The following KSR1 variants were observed in gnomAD, a reference collection of about 807,000 sequenced individuals.
KSR1 encodes the protein kinase suppressor of ras 1.
In KSR1, 35 loss-of-function variants were observed where a neutral mutation model predicts 92.9. That is an observed-to-expected ratio of 0.38 (90% CI 0.29 to 0.50). KSR1 has a LOEUF of 0.50. KSR1 is among the 20% of genes least tolerant of loss of function. The pLI is 0.94. For synonymous variants in KSR1, 467 were observed against 472.6 expected (o/e 0.99, Z 0.15); for missense variants, 972 against 1,158.5 (o/e 0.84, Z 2.34).
intron 2 of KSR1, among the ~76,000 whole-genome samples, chr17:27,575,090 G>A (rs1466994448): frequency 6.6e-6 from 1 of 152,170 alleles, no homozygotes. Flanking sequence ...CCCAAAAGAG[G>A]GTTCTTGAGT....
rs756002518 is a variant in KSR1, at chr17:27,590,932, CTT to C, written c.1130+41_1130+42del. The stretch of plus-strand genomic sequence containing the variant: ...GGAGTGGGGGTGGGGGGAGCAGACA[CTT>C]TTAGTTCAGTAAATCAAATGCGCTT... On this transcript the variant is annotated intron_variant, in intron 7 of 20. Coordinates refer to ENST00000644974, the MANE Select transcript of KSR1 (RefSeq NM_001394583.1). 3 of 1,546,584 alleles carry C rather than the reference CTT, an allele frequency of 1.9e-6. No homozygotes were observed. In the African/African-American group the frequency reaches 4.1e-5, roughly 21 times the overall value.
intron 6 of KSR1, 62 bp downstream of exon 6, chr17:27,588,597 AG>A: frequency 7.0e-7 from 1 of 1,433,304 alleles, no homozygotes. Context: ...AGATGGGGCC[AG>A]GAGTTCTGGT....
chr17:27,621,056 G>A (rs528088491), intron 19 of KSR1, 137 bp from the exon 20 acceptor site: 5 of 396,894 alleles, frequency 1.3e-5, no homozygotes, highest in East Asian at 3.6e-5. Context: ...GGGGGGTGGC[G>A]GATGTGCTGT....
At chr17:27,584,053 CT>C in intron 4 of KSR1, 1 of 866,240 alleles carries the variant, frequency 1.2e-6, no homozygotes, top group Non-Finnish European at 1.4e-6. Context: ...AGATCATTGT[CT>C]TTTTTGTTAC....
chr17:27,605,262 A>C (rs1172734397), intron 13 of KSR1, among the ~76,000 whole-genome samples, 172 bp from the exon 14 acceptor site: 2 of 152,254 alleles, frequency 1.3e-5, no homozygotes, highest in Non-Finnish European at 2.9e-5. Flanking sequence ...ATTGAGGTCC[A>C]CTGATGCTAA....
At chr17:27,505,367 C>G (rs747804607) in intron 1 of KSR1, among the ~76,000 whole-genome samples, 10 of 152,242 alleles carry the variant, frequency 6.6e-5, no homozygotes, top group Non-Finnish European at 1.5e-4. Context: ...GACTCTGCCC[C>G]TTCTCTGTCC....
chr17:27,493,084 G>A (rs928802484), intron 1 of KSR1, among the ~76,000 whole-genome samples: 16 of 152,196 alleles, frequency 1.1e-4, no homozygotes, highest in Non-Finnish European at 2.1e-4. Context: ...TCATCATTCT[G>A]CTGATGATGA....
At chr17:27,529,110 A>G (rs1365267194) in intron 1 of KSR1, among the ~76,000 whole-genome samples, 1 of 152,234 alleles carries the variant, frequency 6.6e-6, no homozygotes. Flanking sequence ...TAATTTTGCT[A>G]TAAAAATAGA....
intron 1 of KSR1, among the ~76,000 whole-genome samples, chr17:27,506,393 C>T (rs149405672): frequency 4.6e-5 from 7 of 152,308 alleles, no homozygotes; most frequent in African/African-American, 7.2e-5. Flanking sequence ...CATTCTAGCT[C>T]GATGTGGTTG....
intron 13 of KSR1, 33 bp downstream of exon 13, chr17:27,604,761 C>T: frequency 2.5e-6 from 4 of 1,610,310 alleles, no homozygotes; most frequent in Non-Finnish European, 2.5e-6. Context: ...CACAGATGGC[C>T]CCCCCTCTTT....
intron 14 of KSR1, among the ~76,000 whole-genome samples, chr17:27,606,502 G>A (rs2073757744): frequency 1.3e-5 from 2 of 152,188 alleles, no homozygotes; most frequent in South Asian, 2.1e-4. Context: ...TCCTGCACCC[G>A]ATTGTGGGTC....
chr17:27,491,340 T>C (rs1331285798), intron 1 of KSR1, among the ~76,000 whole-genome samples: 1,570 of 87,048 alleles, frequency 0.018, 42 homozygotes, highest in African/African-American at 0.057. Context: ...TGTGTGTGTG[T>C]GTGTGTGTGT....
At chr17:27,511,410 G>A (rs1051255085) in intron 1 of KSR1, among the ~76,000 whole-genome samples, 1 of 152,218 alleles carries the variant, frequency 6.6e-6, no homozygotes, top group African/African-American at 2.4e-5. Flanking sequence ...AGGGCTGTCT[G>A]TACTTGGCTG....
In KSR1 at chr17:27,495,193, C is replaced by T. The variant is rs371472687; in HGVS notation, c.231+38319C>T. 5.9e-5 allele frequency among the ~76,000 whole-genome samples: 9 copies of T among 152,192 alleles called. 1 individual carries two copies. Among genetic ancestry groups the T allele is most frequent in the East Asian group, 1.9e-4 (1 of 5,200 alleles). On this transcript the variant is annotated intron_variant, in intron 1 of 20. Transcript: ENST00000644974. ...GCTTGTGGGCTTCTGAAAGAATGCA[C>T]GCCTCAGTGGTACAGGGTTCTGGGG...
intron 1 of KSR1, among the ~76,000 whole-genome samples, chr17:27,458,996 A>G (rs1029683485): frequency 3.3e-5 from 5 of 152,344 alleles, no homozygotes; most frequent in Admixed American, 6.5e-5. Context: ...ACCCTGGTTT[A>G]AGAATAACCC....
chr17:27,479,680 G>A lies in KSR1; in HGVS notation c.231+22806G>A, dbSNP rs141422718. ...GCTGGGCATCCCAGACCTCTGTTGC[G>A]GCCTCCAGGGAGTGGGTAGGTTCTG... On this transcript the variant is annotated intron_variant, in intron 1 of 20. Coordinates refer to ENST00000644974, the MANE Select transcript of KSR1 (RefSeq NM_001394583.1). Among the ~76,000 whole-genome samples the A allele has an allele frequency of 4.8e-3, 733 of 152,264 alleles. 5 individuals carry two copies. The highest frequency in any genetic ancestry group is 0.017 in the African/African-American group (711 of 41,562).
chr17:27,588,863 T>G (rs752103183), intron 6 of KSR1, among the ~76,000 whole-genome samples: 2 of 152,192 alleles, frequency 1.3e-5, no homozygotes, highest in Non-Finnish European at 2.9e-5. Context: ...CTACATCCAG[T>G]GCGATGTCAC....
At chr17:27,470,882 T>A (rs1047168481) in intron 1 of KSR1, among the ~76,000 whole-genome samples, 4 of 142,254 alleles carry the variant, frequency 2.8e-5, no homozygotes, top group South Asian at 2.3e-4. Context: ...TTTTTTTTTT[T>A]AAATTTCAGA....
At chr17:27,470,028 G>GTA (rs2019902823) in intron 1 of KSR1, among the ~76,000 whole-genome samples, 1 of 148,828 alleles carries the variant, frequency 6.7e-6, no homozygotes, top group Admixed American at 6.8e-5. Flanking sequence ...GTGTGTGTGT[G>GTA]TGTGTGTTAA....
Sources: gnomAD v4.1 joint callset for allele counts (sites outside exome capture counted in the v4.1 genomes callset) on GRCh38, gnomAD v4.1.1 for gene constraint, MANE v1.5 for transcripts, NCBI Gene and HGNC (gene_info 2026-07-23, HGNC 2026-07-21) for gene names.